Variants in IL1RL1 observed in about 807,000 individuals in gnomAD.
The protein encoded by IL1RL1 is interleukin-1 receptor-like 1.
IL1RL1 carries 32 observed loss-of-function variants against 50.9 expected under a neutral mutation model. The observed-to-expected ratio is 0.63, with a 90% CI of 0.47 to 0.84. The LOEUF (loss-of-function observed/expected upper bound fraction) is 0.84, where lower values mean the gene tolerates loss of function less well. Among genes scored for constraint, IL1RL1 ranks in the 40% least tolerant of loss-of-function variants. IL1RL1 has a pLI of 0.00. For synonymous variants in IL1RL1, 275 were observed against 236.0 expected (o/e 1.17, Z -1.51); for missense variants, 773 against 662.9 (o/e 1.17, Z -1.82).
intron 5 of IL1RL1, chr2:102,341,198 G>C (rs1677548200): frequency 9.0e-7 from 1 of 1,116,696 alleles, no homozygotes; most frequent in South Asian, 2.1e-5. Context: ...TTTGGTGTCA[G>C]AGTTTCTGCA....
Position 102,351,594 on chromosome 2 carries a change from G to C in IL1RL1, c.1344G>C (p.Leu448=). 6.2e-7 allele frequency: 1 copy of C among 1,614,140 alleles called. No individual in the cohort carries two copies. The highest frequency in any genetic ancestry group is 8.5e-7 in the Non-Finnish European group (1 of 1,180,000). ...AGAGCAGGCGGCACATTTTCATCCT[G>C]ACCCCTCAGATCACTCACAATAAGG... ...IRKSRRHIFI[L]TPQITHNKEF... The change falls in exon 11 of 11, where the codon CTG becomes CTC. Residue 448 remains leucine (L), a synonymous_variant. Coordinates refer to ENST00000233954, the MANE Select transcript of IL1RL1 (RefSeq NM_016232.5).
intron 1 of IL1RL1, among the ~76,000 whole-genome samples, chr2:102,319,857 T>A (rs1676787315): frequency 6.6e-6 from 1 of 152,138 alleles, no homozygotes; most frequent in Non-Finnish European, 1.5e-5. Context: ...GCAGACTAAT[T>A]TTTAAATTTT....
intron 1 of IL1RL1, among the ~76,000 whole-genome samples, chr2:102,325,922 C>T (rs1015930156): frequency 2.6e-5 from 4 of 152,210 alleles, no homozygotes; most frequent in African/African-American, 7.2e-5. Context: ...AGTTGGAAAA[C>T]ACTCTGCAGG....
Position 102,352,024 on chromosome 2 carries a change from G to A in IL1RL1, c.*103G>A. 8.5e-7 allele frequency: 1 copy of A among 1,172,026 alleles called. No homozygotes were observed. Among genetic ancestry groups the A allele is most frequent in the East Asian group, 2.4e-5 (1 of 42,412 alleles). The allele number at this position is 1,172,026 out of a possible 1,614,324, so 72.6% of individuals were successfully genotyped here. On this transcript the variant is annotated 3_prime_UTR_variant, in exon 11 of 11. Transcript: ENST00000233954. ...AAGTGTGAGGAGCAGGAATATTAAA[G>A]GGATTCAGGCCTCAGGTTTCATCTG...
chr2:102,324,225 A>C (rs1676925062), intron 1 of IL1RL1, among the ~76,000 whole-genome samples: 1 of 152,228 alleles, frequency 6.6e-6, no homozygotes, highest in Non-Finnish European at 1.5e-5. Flanking sequence ...TAACACAAGC[A>C]CATAATCAGA....
At chr2:102,341,271 G>A (rs78197197) in intron 5 of IL1RL1, 16 of 1,253,554 alleles carry the variant, frequency 1.3e-5, no homozygotes, top group Non-Finnish European at 1.5e-5. Context: ...GAGAGGCTTT[G>A]TGATGGTATA....
intron 1 of IL1RL1, among the ~76,000 whole-genome samples, chr2:102,325,752 G>A (rs1676979219): frequency 6.6e-6 from 1 of 152,226 alleles, no homozygotes; most frequent in Non-Finnish European, 1.5e-5. Flanking sequence ...AAGGGTATCA[G>A]TGACGGAAGA....
chr2:102,340,212 C>A lies in IL1RL1; in HGVS notation c.387C>A (p.Ser129=). ...CAGTATCTGGATCAGAAAAAAATTCCAAAATTTATTGTCCTACCATTGACC... is the reference window on the plus strand; with the variant it reads ...CAGTATCTGGATCAGAAAAAAATTCAAAAATTTATTGTCCTACCATTGACC... The part of the protein sequence containing the change: ...YSTVSGSEKN[S]KIYCPTIDLY... The change falls in exon 4 of 11, where the codon TCC becomes TCA. Residue 129 remains serine (S), a synonymous_variant. Transcript: ENST00000233954. 6.9e-6 allele frequency: 11 copies of A among 1,605,700 alleles called. No homozygotes were observed. The highest frequency in any genetic ancestry group is 9.3e-6 in the Non-Finnish European group (11 of 1,177,500).
At chr2:102,342,885 C>G (rs1677624354) in intron 6 of IL1RL1, 151 bp from the exon 7 acceptor site, 1 of 715,274 alleles carries the variant, frequency 1.4e-6, no homozygotes, top group Non-Finnish European at 2.4e-6. Context: ...CAAGAGAGGA[C>G]ATAGAAAGAG....
At chr2:102,327,630 G>C (rs372532045) in intron 1 of IL1RL1, among the ~76,000 whole-genome samples, 3 of 151,880 alleles carry the variant, frequency 2.0e-5, no homozygotes, top group Admixed American at 6.6e-5. Context: ...AGAAGAAAAG[G>C]GAGAAGAATC....
At chr2:102,339,995 A>T in intron 3 of IL1RL1, 103 bp from the exon 4 acceptor site, 1 of 549,924 alleles carries the variant, frequency 1.8e-6, no homozygotes, top group Non-Finnish European at 3.0e-6. Flanking sequence ...ATGTATATTG[A>T]TGGTTTTTAA....
At chr2:102,331,935 A>G (rs1269445088) in intron 1 of IL1RL1, among the ~76,000 whole-genome samples, 1 of 151,628 alleles carries the variant, frequency 6.6e-6, no homozygotes, top group Non-Finnish European at 1.5e-5. Context: ...GGGCATGGTG[A>G]TGTGTGCATG....
intron 5 of IL1RL1, among the ~76,000 whole-genome samples, chr2:102,341,812 G>A (rs1211127349): frequency 6.6e-6 from 1 of 152,130 alleles, no homozygotes; most frequent in Non-Finnish European, 1.5e-5. Context: ...CACCCTAGTG[G>A]AGAACTGCGA....
chr2:102,312,052 A>G (rs1240192893), intron 1 of IL1RL1, among the ~76,000 whole-genome samples: 1 of 78,144 alleles, frequency 1.3e-5, no homozygotes, highest in Non-Finnish European at 2.4e-5. Context: ...TTATATATAT[A>G]ATATATATAA....
In IL1RL1 at chr2:102,347,418, T is replaced by C. The variant is rs376285914; in HGVS notation, c.971-527T>C. On this transcript the variant is annotated intron_variant, in intron 8 of 10. Coordinates refer to ENST00000233954, the MANE Select transcript of IL1RL1 (RefSeq NM_016232.5). ...TCTGCCTTAGTTGGGGTTTCAAGTC[T>C]GGACAGAACCTGGCCCTGACCAAAC... 5.3e-5 allele frequency among the ~76,000 whole-genome samples: 8 copies of C among 152,356 alleles called. 1 individual carries two copies. In the East Asian group the frequency reaches 1.2e-3, roughly 22 times the overall value.
rs776113915 is a variant in IL1RL1, at chr2:102,348,097, T to C, written c.1117+6T>C. On this transcript the variant is annotated splice_donor_region_variant and intron_variant, in intron 9 of 10. Coordinates refer to ENST00000233954, the MANE Select transcript of IL1RL1 (RefSeq NM_016232.5). ...ACCTTACAAGACTAGGAATGGTAAG[T>C]GGCAAATACCAAGTTTTTCTCCCAA... The C allele has an allele frequency of 1.9e-6, 3 of 1,604,208 alleles. No individual in the cohort carries two copies. The South Asian group carries it at 3.4e-5, about 18-fold the overall frequency.
intron 1 of IL1RL1, among the ~76,000 whole-genome samples, chr2:102,328,059 G>T (rs1437623887): frequency 4.6e-5 from 7 of 152,056 alleles, no homozygotes; most frequent in African/African-American, 9.7e-5. Flanking sequence ...CAAAAAAAGA[G>T]AATTTTAGAC....
chr2:102,325,958 T>A (rs1477655278), intron 1 of IL1RL1, among the ~76,000 whole-genome samples: 2 of 152,100 alleles, frequency 1.3e-5, no homozygotes, highest in African/African-American at 4.8e-5. Flanking sequence ...ACTTCCCCAA[T>A]CTAGCAAGGC....
intron 1 of IL1RL1, among the ~76,000 whole-genome samples, chr2:102,312,128 A>G (rs1167111525): frequency 8.5e-6 from 1 of 117,762 alleles, no homozygotes; most frequent in Non-Finnish European, 1.7e-5. Context: ...TTATATTTAT[A>G]TTGAGGAAAA....
Sources: allele counts gnomAD v4.1 joint callset (sites outside exome capture counted in the v4.1 genomes callset), GRCh38; gene constraint gnomAD v4.1.1; transcripts MANE v1.5; gene names NCBI Gene and HGNC (gene_info 2026-07-23, HGNC 2026-07-21).